KCNK2: variants seen among roughly 807,000 people sequenced by gnomAD.
The protein encoded by KCNK2 is potassium two pore domain channel subfamily K member 2.
In KCNK2, 21 loss-of-function variants were observed where a neutral mutation model predicts 40.5. The observed-to-expected ratio is 0.52, with a 90% CI of 0.37 to 0.75. The LOEUF (loss-of-function observed/expected upper bound fraction) is 0.75, where lower values mean the gene tolerates loss of function less well. Among genes scored for constraint, KCNK2 ranks in the 30% least tolerant of loss-of-function variants. KCNK2 has a pLI of 0.00. For synonymous variants in KCNK2, 191 were observed against 202.2 expected, an observed-to-expected ratio of 0.94 and a Z score of 0.47; for missense variants, 399 against 531.6, an observed-to-expected ratio of 0.75 and a Z score of 2.45.
At chr1:215,214,856 C>T (rs1477477865) in intron 6 of KCNK2, among the ~76,000 whole-genome samples, 5 of 151,390 alleles carry the variant, frequency 3.3e-5, no homozygotes, top group African/African-American at 1.2e-4. Flanking sequence ...AAACCAAAAA[C>T]CAAAAAAAAA....
At chr1:215,130,420 A>C (rs183038187) in intron 3 of KCNK2, among the ~76,000 whole-genome samples, 5 of 152,222 alleles carry the variant, frequency 3.3e-5, no homozygotes, top group African/African-American at 1.2e-4. Context: ...TTAGTAAGGA[A>C]AATGCTTTCC....
At chr1:215,126,892 A>G (rs760856596) in intron 3 of KCNK2, among the ~76,000 whole-genome samples, 2 of 151,896 alleles carry the variant, frequency 1.3e-5, no homozygotes, top group Non-Finnish European at 2.9e-5. Flanking sequence ...ATGGTCTTTT[A>G]CTCTTGAGGT....
chr1:215,166,056 C>T (rs1571686667), intron 3 of KCNK2, among the ~76,000 whole-genome samples: 1 of 152,066 alleles, frequency 6.6e-6, no homozygotes, highest in Admixed American at 6.6e-5. Context: ...GTTAGATAAT[C>T]GATATCTAAC....
At chr1:215,175,984 AG>A (rs1272889169) in intron 5 of KCNK2, among the ~76,000 whole-genome samples, 1 of 152,008 alleles carries the variant, frequency 6.6e-6, no homozygotes, top group African/African-American at 2.4e-5. Context: ...ACTTTTTGTT[AG>A]ATTTCTTTTC....
upstream of KCNK2, among the ~76,000 whole-genome samples, chr1:215,079,078 C>T (rs1264504728): frequency 6.6e-6 from 1 of 152,156 alleles, no homozygotes; most frequent in Non-Finnish European, 1.5e-5. Flanking sequence ...AGAATAAGGG[C>T]AGTATGGAAT....
chr1:215,173,550 C>T (rs933796414), intron 5 of KCNK2, among the ~76,000 whole-genome samples: 32 of 152,322 alleles, frequency 2.1e-4, no homozygotes, highest in African/African-American at 7.7e-4. Flanking sequence ...GCCACACTGA[C>T]TTCCACAATG....
At chr1:215,146,085 G>A (rs75106009) in intron 3 of KCNK2, among the ~76,000 whole-genome samples, 7,466 of 152,116 alleles carry the variant, frequency 0.049, 602 homozygotes, top group African/African-American at 0.17. Context: ...TTAAACACTC[G>A]AAATGAAATC....
chr1:215,041,714 T>C (rs936650371), intron 1 of KCNK2, among the ~76,000 whole-genome samples: 1 of 152,230 alleles, frequency 6.6e-6, no homozygotes, highest in African/African-American at 2.4e-5. Flanking sequence ...CTACCATTGA[T>C]GATTTTCAGG....
At chr1:215,209,453 T>TTATATATTATATATAA (rs1558140175) in intron 6 of KCNK2, among the ~76,000 whole-genome samples, 12 of 11,900 alleles carry the variant, frequency 1.0e-3, no homozygotes, top group African/African-American at 3.6e-3. Flanking sequence ...ATAATATATA[T>TTATATATTATATATAA]TATATATTAT....
At chr1:215,197,372 G>C (rs1664907445) in intron 6 of KCNK2, among the ~76,000 whole-genome samples, 1 of 152,128 alleles carries the variant, frequency 6.6e-6, no homozygotes. Flanking sequence ...TTGGTTTCTG[G>C]TGAGGCCTCT....
At position 215,063,063 on chromosome 1, in the gene KCNK2, G is replaced by C. The variant is rs371690791; in HGVS notation, c.35-23305G>C. Among the ~76,000 whole-genome samples, 154 of 152,302 alleles carry C rather than the reference G, an allele frequency of 1.0e-3. 5 individuals are homozygous for C. In the South Asian group the frequency reaches 0.032, roughly 31 times the overall value. ...GCTCAATCTTGGAAAGAATTTTGAA[G>C]GTTGAGTGGAAGTTAGCCTGATGGA... On this transcript the variant is annotated intron_variant, in intron 1 of 6. Transcript: ENST00000391895.
rs1659241267 is a variant in KCNK2, at chr1:215,083,086, C to G, written c.-300C>G. ...TCTCCGGGTGACCCGGGCCCGGCAG[C>G]AGGCGCGCGCGGGGGCGGCGGCGCC... On this transcript the variant is annotated 5_prime_UTR_variant, in exon 1 of 7. Coordinates refer to ENST00000444842, the MANE Select transcript of KCNK2 (RefSeq NM_001017425.3). 2.3e-6 allele frequency: 1 copy of G among 425,956 alleles called. No homozygotes were observed. The highest frequency in any genetic ancestry group is 3.9e-5 in the East Asian group (1 of 25,452). The allele number at this position is 425,956 out of a possible 1,614,324, so 26.4% of individuals were successfully genotyped here.
At chr1:215,006,997 C>A (rs1656147901) in intron 1 of KCNK2, among the ~76,000 whole-genome samples, 1 of 81,706 alleles carries the variant, frequency 1.2e-5, no homozygotes, top group Non-Finnish European at 2.2e-5. Flanking sequence ...GACCAATTCA[C>A]TATATATATA....
Position 215,083,207 on chromosome 1 carries a change from C to CA in KCNK2, c.-179_-178insA. The CA allele has an allele frequency of 9.4e-7, 1 of 1,058,680 alleles. No homozygotes were observed. Among genetic ancestry groups the CA allele is most frequent in the Non-Finnish European group, 1.4e-6 (1 of 736,458 alleles). The allele number at this position is 1,058,680 out of a possible 1,614,324, so 65.6% of individuals were successfully genotyped here. ...TTCTTCTCACGCTCCCCCCCCCGCC[C>CA]CCTCCCGCGTCCAGCCCCGCTCTCC... On this transcript the variant is annotated 5_prime_UTR_variant, in exon 1 of 7. Transcript: ENST00000444842.
intron 6 of KCNK2, among the ~76,000 whole-genome samples, chr1:215,221,620 T>C (rs1212179116): frequency 1.3e-5 from 2 of 152,080 alleles, no homozygotes. Context: ...ATTTTCTTCA[T>C]GTTAAGTAGA....
intron 6 of KCNK2, among the ~76,000 whole-genome samples, chr1:215,233,479 C>CACACGT (rs1203454996): frequency 4.0e-5 from 6 of 149,954 alleles, no homozygotes; most frequent in African/African-American, 1.2e-4. Context: ...CACACACGTA[C>CACACGT]ACACACACAC....
At chr1:215,007,029 A>ATATATGTGTGTG (rs1553254668) in intron 1 of KCNK2, among the ~76,000 whole-genome samples, 14 of 68,446 alleles carry the variant, frequency 2.0e-4, no homozygotes, top group East Asian at 4.1e-4. Flanking sequence ...ATATATATAT[A>ATATATGTGTGTG]TATATATATG....
intron 1 of KCNK2, among the ~76,000 whole-genome samples, chr1:215,065,688 G>C (rs752102426): frequency 6.6e-6 from 1 of 152,166 alleles, no homozygotes; most frequent in East Asian, 1.9e-4. Flanking sequence ...TCAGTGCCTT[G>C]TTCTTACAAA....
chr1:215,038,135 A>G (rs1657447949), intron 1 of KCNK2, among the ~76,000 whole-genome samples: 1 of 151,906 alleles, frequency 6.6e-6, no homozygotes, highest in Non-Finnish European at 1.5e-5. Flanking sequence ...CTTTATTTTT[A>G]TCTTCAACTT....
Sources: gnomAD v4.1 joint callset for allele counts (sites outside exome capture counted in the v4.1 genomes callset) on GRCh38, gnomAD v4.1.1 for gene constraint, MANE v1.5 for transcripts, NCBI Gene and HGNC (gene_info 2026-07-23, HGNC 2026-07-21) for gene names.